The following KAZN variants were observed in gnomAD, a reference collection of about 807,000 sequenced individuals.
KAZN encodes kazrin, periplakin interacting protein.
A neutral mutation model predicts 87.4 loss-of-function variants in KAZN; 40 were observed. The observed-to-expected ratio is 0.46, with a 90% CI of 0.36 to 0.60. The LOEUF (loss-of-function observed/expected upper bound fraction) is 0.60. Among genes scored for constraint, KAZN ranks in the 20% least tolerant of loss-of-function variants. KAZN has a pLI of 0.00. For missense variants in KAZN, 898 were observed against 1,073.9 expected (o/e 0.84, Z 2.29); for synonymous variants, 466 against 458.3 (o/e 1.02, Z -0.22).
chr1:13,986,680 G>A (rs1398149373), intron 1 of KAZN, among the ~76,000 whole-genome samples: 2 of 152,186 alleles, frequency 1.3e-5, no homozygotes, highest in Non-Finnish European at 2.9e-5. Context: ...GGAATGTATT[G>A]GAAGGATATT....
chr1:14,384,336 G>A (rs912143364), intron 2 of KAZN, among the ~76,000 whole-genome samples: 16 of 152,030 alleles, frequency 1.1e-4, no homozygotes, highest in Non-Finnish European at 1.9e-4. Flanking sequence ...GCCCTGGCCA[G>A]AACTTCCAAC....
chr1:14,416,050 A>T (rs138686945), intron 2 of KAZN, among the ~76,000 whole-genome samples: 19 of 152,274 alleles, frequency 1.2e-4, no homozygotes, highest in African/African-American at 4.3e-4. Flanking sequence ...GCTGCTGAAG[A>T]GTTTGCAGAA....
chr1:14,121,949 G>A (rs1644760545), intron 1 of KAZN, among the ~76,000 whole-genome samples: 1 of 152,228 alleles, frequency 6.6e-6, no homozygotes, highest in South Asian at 2.1e-4. Context: ...TCAAGGAGCA[G>A]CAGGGAAGCC....
chr1:14,378,296 G>A (rs936846446), intron 2 of KAZN, among the ~76,000 whole-genome samples: 7 of 145,846 alleles, frequency 4.8e-5, no homozygotes, highest in Middle Eastern at 3.4e-3. Context: ...TACAATAAAA[G>A]GCTTATCCTT....
At chr1:14,363,807 C>T (rs1253643926) in intron 2 of KAZN, among the ~76,000 whole-genome samples, 1 of 152,158 alleles carries the variant, frequency 6.6e-6, no homozygotes, top group Non-Finnish European at 1.5e-5. Flanking sequence ...TTGTTACCCC[C>T]TGCTCTAGAT....
chr1:15,112,412 T>C lies in KAZN; in HGVS notation c.2049-15T>C. ...CTGAGCCTCCCCTGCTGACTCAAAA[T>C]GGTCCTCTCTTCAGCTCCACAGGCA... On this transcript the variant is annotated splice_polypyrimidine_tract_variant and intron_variant, in intron 13 of 14. Coordinates refer to ENST00000376030, the MANE Select transcript of KAZN (RefSeq NM_201628.3). 1 of 1,535,444 alleles carries C rather than the reference T, an allele frequency of 6.5e-7. No homozygotes were observed. The highest frequency in any genetic ancestry group is 8.9e-7 in the Non-Finnish European group (1 of 1,125,438).
chr1:14,620,547 C>T (rs1268009839), intron 1 of KAZN, among the ~76,000 whole-genome samples: 2 of 152,196 alleles, frequency 1.3e-5, no homozygotes, highest in African/African-American at 2.4e-5. Flanking sequence ...ATTTGGGGCA[C>T]ATGTTGTCCA....
Position 15,037,153 on chromosome 1 carries a change from T to A in KAZN, c.555+2268T>A, listed in dbSNP as rs1015738336. Among the ~76,000 whole-genome samples the A allele has an allele frequency of 1.2e-4, 19 of 152,182 alleles. 1 individual carries two copies. Among genetic ancestry groups the A allele is most frequent in the Non-Finnish European group, 2.4e-4 (16 of 68,028 alleles). On this transcript the variant is annotated intron_variant, in intron 3 of 14. Coordinates refer to ENST00000376030, the MANE Select transcript of KAZN (RefSeq NM_201628.3). ...CTCGGCCTAAGGAGCTTGGTCTTTT[T>A]TCAGTGGGCAAGGCAGGGAGAGCCT...
chr1:14,399,629 T>C (rs1307820732), intron 2 of KAZN, among the ~76,000 whole-genome samples: 2 of 152,080 alleles, frequency 1.3e-5, no homozygotes, highest in African/African-American at 4.8e-5. Context: ...AAACTCTCTG[T>C]CCTGGGTCAC....
chr1:14,359,712 T>A (rs1659343110), intron 2 of KAZN, among the ~76,000 whole-genome samples: 1 of 152,220 alleles, frequency 6.6e-6, no homozygotes, highest in African/African-American at 2.4e-5. Context: ...TTTGGCTGGA[T>A]ATGAAATTCT....
chr1:14,979,242 C>T (rs1303651689), intron 2 of KAZN, among the ~76,000 whole-genome samples: 1 of 151,568 alleles, frequency 6.6e-6, no homozygotes, highest in Admixed American at 6.6e-5. Context: ...AACCCCGTCT[C>T]TACTAAAAAT....
Position 14,123,200 on chromosome 1 carries a change from C to G in KAZN, c.92-57235C>G, listed in dbSNP as rs560922287. On this transcript the variant is annotated intron_variant, in intron 1 of 16. Coordinates refer to the KAZN transcript ENST00000636203. The stretch of plus-strand genomic sequence containing the variant: ...CCATTTTCCTGCAGAGGCTGAAGCT[C>G]CACTTTTCTGCATTCTACCTGCTTT... 7.5e-4 allele frequency among the ~76,000 whole-genome samples: 114 copies of G among 152,290 alleles called. 1 individual carries two copies. In the South Asian group the frequency reaches 0.023, roughly 30 times the overall value.
intron 1 of KAZN, among the ~76,000 whole-genome samples, chr1:14,938,450 G>A (rs139412631): frequency 3.2e-3 from 481 of 151,854 alleles, no homozygotes; most frequent in African/African-American, 0.011. Flanking sequence ...GCTGAGGCAG[G>A]AGGATCACTG....
At chr1:14,239,168 GT>G (rs1309522123) in intron 2 of KAZN, among the ~76,000 whole-genome samples, 1 of 152,164 alleles carries the variant, frequency 6.6e-6, no homozygotes. Context: ...TCATGCTTTT[GT>G]TTTAATATAG....
intron 2 of KAZN, among the ~76,000 whole-genome samples, chr1:14,428,051 A>G (rs1665839690): frequency 6.6e-6 from 1 of 152,208 alleles, no homozygotes; most frequent in South Asian, 2.1e-4. Context: ...GCAAGGTTAT[A>G]GTCACATTCT....
chr1:14,336,540 C>A (rs145938504), intron 2 of KAZN, among the ~76,000 whole-genome samples: 1 of 152,316 alleles, frequency 6.6e-6, no homozygotes, highest in East Asian at 1.9e-4. Flanking sequence ...CACCAAACTC[C>A]TTTTCACAGC....
rs78932051 is a variant in KAZN, at chr1:14,915,607, T to C, written c.227-45077T>C. On this transcript the variant is annotated intron_variant, in intron 1 of 14. Transcript: ENST00000376030. The stretch of plus-strand genomic sequence containing the variant: ...GTTCCCTCTGAGTCCCCCCTCTTTA[T>C]GAAGAATGAAGAGGTGACTGTTCCC... Among the ~76,000 whole-genome samples, 892 of 152,318 alleles carry C rather than the reference T, an allele frequency of 5.9e-3. 10 individuals carry two copies. Among genetic ancestry groups the C allele is most frequent in the African/African-American group, 0.021 (861 of 41,570 alleles).
rs1399139176 is a variant in KAZN at position 14,833,533 on chromosome 1, C to G, written c.227-127151C>G. Among the ~76,000 whole-genome samples, 3 of 152,182 alleles carry G rather than the reference C, an allele frequency of 2.0e-5. No individual in the cohort carries two copies. In the East Asian group the frequency reaches 5.8e-4, roughly 29 times the overall value. Reference sequence around the variant, plus strand: ...AGTGTGGAGCACACCCCTCAGATATCCCGCCAAGGGGCAGGGAAAGTAGGG... The same window carrying G: ...AGTGTGGAGCACACCCCTCAGATATGCCGCCAAGGGGCAGGGAAAGTAGGG... On this transcript the variant is annotated intron_variant, in intron 1 of 14. Coordinates refer to ENST00000376030, the MANE Select transcript of KAZN (RefSeq NM_201628.3).
intron 2 of KAZN, among the ~76,000 whole-genome samples, chr1:14,361,010 A>G (rs559337029): frequency 1.3e-5 from 2 of 152,336 alleles, no homozygotes; most frequent in Admixed American, 1.3e-4. Context: ...GCAGGCAGGA[A>G]TGTTTAAGTC....
Sources: gnomAD v4.1 joint callset for allele counts (sites outside exome capture counted in the v4.1 genomes callset) on GRCh38, gnomAD v4.1.1 for gene constraint, MANE v1.5 for transcripts, NCBI Gene and HGNC (gene_info 2026-07-23, HGNC 2026-07-21) for gene names.